Variants in LAMA2 observed in about 807,000 individuals in gnomAD.
The protein encoded by LAMA2 is laminin subunit alpha 2.
Under a neutral mutation model 364.8 loss-of-function variants are expected in LAMA2, and 269 were observed. The observed-to-expected ratio is 0.74, with a 90% CI of 0.67 to 0.82. LAMA2 has a LOEUF of 0.82. Among genes scored for constraint, LAMA2 ranks in the 40% least tolerant of loss-of-function variants. LAMA2 has a pLI of 0.00. For synonymous variants in LAMA2, 1,379 were observed against 1,370.6 expected, an observed-to-expected ratio of 1.01 and a Z score of -0.14; for missense variants, 3,807 against 3,873.2, an observed-to-expected ratio of 0.98 and a Z score of 0.45.
intron 28 of LAMA2, among the ~76,000 whole-genome samples, chr6:129,325,526 A>G (rs1775220546): frequency 6.7e-6 from 1 of 150,264 alleles, no homozygotes; most frequent in Non-Finnish European, 1.5e-5. Context: ...GAAAAGAGAG[A>G]ATTTCTGTTT....
At chr6:129,163,180 G>A (rs535862395) in intron 8 of LAMA2, among the ~76,000 whole-genome samples, 60 of 151,588 alleles carry the variant, frequency 4.0e-4, no homozygotes, top group African/African-American at 1.4e-3. Flanking sequence ...TCTCTTTCTA[G>A]GACTCCAGCT....
At chr6:129,316,225 T>C in intron 27 of LAMA2, 54 bp downstream of exon 27, 1 of 1,368,198 alleles carries the variant, frequency 7.3e-7, no homozygotes, top group Non-Finnish European at 1.0e-6. Context: ...GTAAGGAAGG[T>C]TATTGACCTA....
chr6:129,080,358 T>A (rs1009480723), intron 3 of LAMA2, among the ~76,000 whole-genome samples: 1 of 152,192 alleles, frequency 6.6e-6, no homozygotes, highest in African/African-American at 2.4e-5. Flanking sequence ...TTCTCTGATA[T>A]ATAATTGTGA....
chr6:129,053,364 C>T (rs570817591), intron 2 of LAMA2, among the ~76,000 whole-genome samples: 5 of 152,134 alleles, frequency 3.3e-5, no homozygotes, highest in East Asian at 1.9e-4. Flanking sequence ...TGCGCCCGGC[C>T]GACTCTGGTG....
At chr6:129,169,522 A>T (rs1779995062) in intron 9 of LAMA2, among the ~76,000 whole-genome samples, 1 of 151,652 alleles carries the variant, frequency 6.6e-6, no homozygotes, top group Non-Finnish European at 1.5e-5. Flanking sequence ...CTACTTGATC[A>T]TGGTGGATAA....
intron 28 of LAMA2, 120 bp from the exon 29 acceptor site, chr6:129,328,158 A>G (rs899033695): frequency 2.4e-6 from 2 of 843,554 alleles, no homozygotes; most frequent in Non-Finnish European, 4.1e-6. Context: ...TTTGTAAGTG[A>G]TGTTGCCCCT....
At chr6:129,288,733 A>G (rs1230570267) in intron 19 of LAMA2, among the ~76,000 whole-genome samples, 1 of 152,212 alleles carries the variant, frequency 6.6e-6, no homozygotes, top group African/African-American at 2.4e-5. Context: ...TTAATACTAC[A>G]TAGAATTTCC....
At chr6:129,460,346 C>T in intron 49 of LAMA2, 22 bp downstream of exon 49, 1 of 1,609,792 alleles carries the variant, frequency 6.2e-7, no homozygotes, top group Non-Finnish European at 8.5e-7. Context: ...TGAGAACTCT[C>T]CCAGGGTCTG....
intron 56 of LAMA2, among the ~76,000 whole-genome samples, chr6:129,488,245 G>A (rs1211750772): frequency 6.6e-6 from 1 of 152,114 alleles, no homozygotes; most frequent in East Asian, 1.9e-4. Context: ...GGGGGACAGA[G>A]GTTTCAGTGA....
At chr6:129,228,516 A>C (rs771968912) in intron 12 of LAMA2, among the ~76,000 whole-genome samples, 16 of 152,180 alleles carry the variant, frequency 1.1e-4, no homozygotes, top group Non-Finnish European at 2.2e-4. Context: ...AGGGAGTTTT[A>C]TATCAATAAT....
At chr6:129,452,957 C>G in intron 45 of LAMA2, 31 bp from the exon 46 acceptor site, 1 of 1,604,278 alleles carries the variant, frequency 6.2e-7, no homozygotes, top group Non-Finnish European at 8.5e-7. Flanking sequence ...GAGATTTACT[C>G]TTGGTTCTTT....
chr6:129,274,948 G>C (rs950731555), intron 17 of LAMA2, among the ~76,000 whole-genome samples: 1 of 151,928 alleles, frequency 6.6e-6, no homozygotes, highest in Non-Finnish European at 1.5e-5. Flanking sequence ...ATTTTCATCA[G>C]TTATATAATA....
chr6:129,302,296 AT>A (rs1773598681), intron 22 of LAMA2, among the ~76,000 whole-genome samples: 1 of 151,720 alleles, frequency 6.6e-6, no homozygotes, highest in Non-Finnish European at 1.5e-5. Context: ...TCATTTATTT[AT>A]TTGTCATTTA....
chr6:128,944,229 G>GAAAA (rs1780355832), intron 1 of LAMA2, among the ~76,000 whole-genome samples: 2 of 152,068 alleles, frequency 1.3e-5, no homozygotes, highest in Non-Finnish European at 2.9e-5. Flanking sequence ...CACAGTTAAG[G>GAAAA]TACCCCACCT....
chr6:129,281,480 T>G (rs1417055821), intron 18 of LAMA2, among the ~76,000 whole-genome samples: 1 of 152,202 alleles, frequency 6.6e-6, no homozygotes, highest in Admixed American at 6.6e-5. Flanking sequence ...GACAATAGTT[T>G]CTGAACCATC....
rs528565152 is a variant in LAMA2 at position 129,391,967 on chromosome 6, A to C, written c.5234+314A>C. 1.4e-4 allele frequency among the ~76,000 whole-genome samples: 22 copies of C among 152,264 alleles called. No homozygotes were observed. The East Asian group carries it at 4.1e-3, about 28-fold the overall frequency. On this transcript the variant is annotated intron_variant, in intron 36 of 64. Coordinates refer to ENST00000421865, the MANE Select transcript of LAMA2 (RefSeq NM_000426.4). ...TGCTCCTTCTGTAATTAGGCTAATG[A>C]GTTTGTTTTGTTAATCATCTGCATT...
intron 22 of LAMA2, among the ~76,000 whole-genome samples, chr6:129,302,155 T>C (rs1224357365): frequency 1.3e-5 from 2 of 152,166 alleles, no homozygotes; most frequent in African/African-American, 4.8e-5. Context: ...TTTTCTCTTT[T>C]TTTTCTTAAG....
intron 28 of LAMA2, among the ~76,000 whole-genome samples, chr6:129,326,490 C>T (rs1038960662): frequency 2.6e-5 from 4 of 151,872 alleles, no homozygotes; most frequent in Non-Finnish European, 4.4e-5. Flanking sequence ...TCTTGTGTTT[C>T]TTTTTCTTCT....
intron 31 of LAMA2, 56 bp downstream of exon 31, chr6:129,349,440 G>T: frequency 7.7e-7 from 1 of 1,295,582 alleles, no homozygotes; most frequent in Non-Finnish European, 1.1e-6. Context: ...ATATGGTAAA[G>T]GGTCACAATA....
Sources: allele counts gnomAD v4.1 joint callset (sites outside exome capture counted in the v4.1 genomes callset), GRCh38; gene constraint gnomAD v4.1.1; transcripts MANE v1.5; gene names NCBI Gene and HGNC (gene_info 2026-07-23, HGNC 2026-07-21).